Variants in AKAP19 observed in about 807,000 individuals in gnomAD.
The protein encoded by AKAP19 is A-kinase anchoring protein 19.
the AKAP19 span, among the ~76,000 whole-genome samples, chr2:189,960,702 A>T: frequency 6.6e-6 from 1 of 152,122 alleles, no homozygotes; most frequent in Non-Finnish European, 1.5e-5. Flanking sequence ...TTAAAGATGT[A>T]CACAGATGCA....
the AKAP19 span, among the ~76,000 whole-genome samples, chr2:190,071,670 C>A: frequency 6.6e-6 from 1 of 151,972 alleles, no homozygotes; most frequent in African/African-American, 2.4e-5. Context: ...CCAGTAATAT[C>A]TAACAATATT....
the AKAP19 span, among the ~76,000 whole-genome samples, chr2:190,153,666 C>T: frequency 6.6e-6 from 1 of 152,138 alleles, no homozygotes; most frequent in Non-Finnish European, 1.5e-5. Context: ...AATTTTCCAT[C>T]ATAAATTTAT....
chr2:190,066,510 C>T, the AKAP19 span, among the ~76,000 whole-genome samples: 9 of 152,138 alleles, frequency 5.9e-5, no homozygotes, highest in South Asian at 4.1e-4. Flanking sequence ...TTGTCATTAA[C>T]TTGTGTTTAC....
chr2:190,085,050 G>T, the AKAP19 span, among the ~76,000 whole-genome samples: 50 of 152,246 alleles, frequency 3.3e-4, 1 homozygote, highest in African/African-American at 1.2e-3. Context: ...CCTAGTCAGG[G>T]GTGATTCCTT....
the AKAP19 span, among the ~76,000 whole-genome samples, chr2:190,138,118 T>C: frequency 6.6e-6 from 1 of 152,252 alleles, no homozygotes; most frequent in Non-Finnish European, 1.5e-5. Flanking sequence ...TAAGAGGTGG[T>C]ATGAAACATG....
the AKAP19 span, among the ~76,000 whole-genome samples, chr2:190,072,794 G>A: frequency 7.9e-5 from 12 of 152,126 alleles, no homozygotes; most frequent in Non-Finnish European, 1.8e-4. Context: ...CACAGAATGT[G>A]TACAAAATAA....
the AKAP19 span, among the ~76,000 whole-genome samples, chr2:190,004,878 T>TA: frequency 3.3e-5 from 5 of 152,192 alleles, no homozygotes; most frequent in African/African-American, 7.2e-5. Context: ...TGCTCACTCT[T>TA]AAAAGTATTA....
the AKAP19 span, among the ~76,000 whole-genome samples, chr2:189,982,199 A>C: frequency 6.6e-6 from 1 of 151,296 alleles, no homozygotes; most frequent in African/African-American, 2.5e-5. Context: ...GGTTTTGTTC[A>C]TTTTTTAAAA....
At chr2:189,980,846 G>T in the AKAP19 span, among the ~76,000 whole-genome samples, 1,100 of 152,188 alleles carry the variant, frequency 7.2e-3, 15 homozygotes, top group African/African-American at 0.025. Context: ...GTTCTTCTTG[G>T]TATTGATTTC....
chr2:190,036,588 T>C, the AKAP19 span, among the ~76,000 whole-genome samples: 3 of 73,456 alleles, frequency 4.1e-5, no homozygotes, highest in East Asian at 1.6e-3. Flanking sequence ...TAAGACAGGT[T>C]TTTGGTAGTA....
At chr2:190,148,061 G>T in the AKAP19 span, among the ~76,000 whole-genome samples, 8 of 152,064 alleles carry the variant, frequency 5.3e-5, no homozygotes, top group Non-Finnish European at 2.9e-5. Flanking sequence ...CGAGTGGTGA[G>T]GGTGGGCATC....
chr2:190,100,593 A>C, the AKAP19 span, among the ~76,000 whole-genome samples: 5 of 152,346 alleles, frequency 3.3e-5, no homozygotes, highest in African/African-American at 9.6e-5. Context: ...AAAAAGTAGA[A>C]TAACCTGACA....
At chr2:190,060,364 T>G in the AKAP19 span, 1 of 1,612,064 alleles carries the variant, frequency 6.2e-7, no homozygotes, top group Admixed American at 1.7e-5. Flanking sequence ...ACTACTTTAT[T>G]GTATTGTATT....
the AKAP19 span, among the ~76,000 whole-genome samples, chr2:190,076,006 C>T: frequency 6.6e-6 from 1 of 152,082 alleles, no homozygotes; most frequent in South Asian, 2.1e-4. Context: ...TCATAGTCTA[C>T]CTTCAAATGA....
the AKAP19 span, among the ~76,000 whole-genome samples, chr2:190,013,589 C>G: frequency 9.2e-5 from 14 of 152,174 alleles, no homozygotes; most frequent in African/African-American, 3.1e-4. Context: ...GATCTTGGCT[C>G]ACTGCAAGCT....
At chr2:189,890,644 G>A in the AKAP19 span, among the ~76,000 whole-genome samples, 1 of 152,074 alleles carries the variant, frequency 6.6e-6, no homozygotes, top group Admixed American at 6.5e-5. Flanking sequence ...TCTTCTTGTT[G>A]CATTGATCCC....
chr2:189,899,635 A>G, the AKAP19 span, among the ~76,000 whole-genome samples: 1 of 152,182 alleles, frequency 6.6e-6, no homozygotes, highest in Non-Finnish European at 1.5e-5. Context: ...GAATGTGCAT[A>G]CATAAATGTG....
At chr2:190,130,475 TAGTTGCAATGC>T in the AKAP19 span, among the ~76,000 whole-genome samples, 1 of 152,170 alleles carries the variant, frequency 6.6e-6, no homozygotes, top group Non-Finnish European at 1.5e-5. Context: ...ATACATACAG[TAGTTGCAATGC>T]AAAAAAATTT....
At chr2:190,130,442 G>T in the AKAP19 span, among the ~76,000 whole-genome samples, 5 of 152,276 alleles carry the variant, frequency 3.3e-5, no homozygotes, top group African/African-American at 1.2e-4. Context: ...ATTTTAGTTA[G>T]ATACAAGTTT....
Sources: allele counts gnomAD v4.1 joint callset (sites outside exome capture counted in the v4.1 genomes callset), GRCh38; gene constraint gnomAD v4.1.1; transcripts MANE v1.5; gene names NCBI Gene and HGNC (gene_info 2026-07-23, HGNC 2026-07-21).